CIP2A: variants seen among roughly 807,000 people sequenced by gnomAD.
CIP2A encodes the protein protein CIP2A.
In CIP2A, 103 loss-of-function variants were observed where a neutral mutation model predicts 110.9. The observed-to-expected ratio is 0.93, with a 90% CI of 0.79 to 1.09. The LOEUF is 1.09. Ranked by LOEUF, CIP2A falls within the 50% of genes least tolerant of loss-of-function variation. CIP2A has a pLI of 0.00. For synonymous variants in CIP2A, 381 were observed against 361.6 expected (o/e 1.05, Z -0.61); for missense variants, 1,088 against 1,038.4 (o/e 1.05, Z -0.66).
intron 2 of CIP2A, 94 bp from the exon 3 acceptor site, chr3:108,583,177 A>T (rs1289523774): frequency 6.8e-6 from 4 of 589,890 alleles, no homozygotes; most frequent in Non-Finnish European, 1.1e-5. Context: ...ATTTATTATT[A>T]AAAAAGGTAT....
intron 8 of CIP2A, among the ~76,000 whole-genome samples, chr3:108,573,667 T>A (rs1397591941): frequency 6.6e-6 from 1 of 152,044 alleles, no homozygotes; most frequent in Non-Finnish European, 1.5e-5. Flanking sequence ...AAGATCCATT[T>A]AGATACTAAT....
intron 19 of CIP2A, among the ~76,000 whole-genome samples, chr3:108,553,196 T>C (rs1443792977): frequency 7.8e-6 from 1 of 128,262 alleles, no homozygotes; most frequent in Non-Finnish European, 1.6e-5. Context: ...GGCGTGAACA[T>C]AGCTCACTGC....
intron 1 of CIP2A, chr3:108,585,641 A>G: frequency 2.2e-6 from 1 of 454,258 alleles, no homozygotes; most frequent in South Asian, 1.6e-5. Context: ...TACTATGCAA[A>G]TAAATTCTAA....
chr3:108,575,380 GTA>G (rs1241288932), intron 8 of CIP2A, among the ~76,000 whole-genome samples: 1 of 149,190 alleles, frequency 6.7e-6, no homozygotes, highest in African/African-American at 2.5e-5. Context: ...ACATATACAT[GTA>G]TGCGTGTATA....
At chr3:108,575,540 TC>T in intron 8 of CIP2A, among the ~76,000 whole-genome samples, 1 of 150,182 alleles carries the variant, frequency 6.7e-6, no homozygotes, top group Admixed American at 6.6e-5. Context: ...GTATATATAC[TC>T]ATATACATGT....
intron 16 of CIP2A, among the ~76,000 whole-genome samples, 200 bp downstream of exon 16, chr3:108,559,557 A>T (rs1937927331): frequency 6.6e-6 from 1 of 152,172 alleles, no homozygotes; most frequent in South Asian, 2.1e-4. Context: ...ACATAGGAAA[A>T]TAATACAAGG....
chr3:108,564,042 A>T (rs1373901584), intron 12 of CIP2A, among the ~76,000 whole-genome samples: 1 of 152,062 alleles, frequency 6.6e-6, no homozygotes, highest in Non-Finnish European at 1.5e-5. Flanking sequence ...TTAAAAATAC[A>T]TTGAGATATT....
At chr3:108,585,904 A>T in intron 1 of CIP2A, 1 of 387,122 alleles carries the variant, frequency 2.6e-6, no homozygotes, top group Non-Finnish European at 5.1e-6. Context: ...AGACACATAC[A>T]TACACACACA....
At chr3:108,575,163 ATGAG>A (rs1355047804) in intron 8 of CIP2A, 1 of 147,180 alleles carries the variant, frequency 6.8e-6, no homozygotes, top group Non-Finnish European at 1.5e-5. Context: ...TATATGAAAT[ATGAG>A]TGAATCTCAT....
Position 108,582,962 on chromosome 3 carries a change from T to G in CIP2A, c.357+15A>C. The G allele has an allele frequency of 6.6e-7, 1 of 1,524,224 alleles. No homozygotes were observed. Among genetic ancestry groups the G allele is most frequent in the Non-Finnish European group, 9.1e-7 (1 of 1,103,058 alleles). The allele number at this position is 1,524,224 out of a possible 1,614,324, so 94.4% of individuals were successfully genotyped here. A position where few individuals can be genotyped will look rare whatever the true frequency, so the allele number is the denominator to read the frequency against. On this transcript the variant is annotated intron_variant, in intron 3 of 20. Transcript: ENST00000295746. ...ACAGTAAGGAAAGGGGAATACACTG[T>G]GTGGGTCTGTATACCTGCAAAAACA...
intron 17 of CIP2A, among the ~76,000 whole-genome samples, chr3:108,556,228 C>T (rs1009763236): frequency 6.6e-6 from 1 of 152,158 alleles, no homozygotes; most frequent in Admixed American, 6.5e-5. Flanking sequence ...GGGAAATAAG[C>T]ATATGTACCA....
In CIP2A at chr3:108,566,642, A is replaced by C. The variant is rs761397717; in HGVS notation, c.1274-4T>G. 3 of 1,559,838 alleles carry C rather than the reference A, an allele frequency of 1.9e-6. No homozygotes were observed. In the South Asian group the frequency reaches 3.6e-5, roughly 19 times the overall value. On this transcript the variant is annotated splice_polypyrimidine_tract_variant and splice_region_variant and intron_variant, in intron 10 of 20. Transcript: ENST00000295746. Reference sequence around the variant, plus strand: ...AGTGTATCATCTCCACAGAGAGGTTAAGTTTTGTTAAGATATACAACAAAA... The same window carrying C: ...AGTGTATCATCTCCACAGAGAGGTTCAGTTTTGTTAAGATATACAACAAAA...
intron 19 of CIP2A, among the ~76,000 whole-genome samples, chr3:108,553,069 AAAT>A (rs1023572251): frequency 1.3e-5 from 2 of 151,606 alleles, no homozygotes; most frequent in African/African-American, 4.8e-5. Context: ...CTAAAAGTTG[AAAT>A]AATAAAAAAA....
chr3:108,557,285 T>A lies in CIP2A; in HGVS notation c.2143A>T (p.Arg715Trp). 6.2e-7 allele frequency: 1 copy of A among 1,610,860 alleles called. No homozygotes were observed. Among genetic ancestry groups the A allele is most frequent in the Non-Finnish European group, 8.5e-7 (1 of 1,177,740 alleles). Residue 715 changes from arginine (R) to tryptophan (W), a missense_variant, in exon 17 of 21, where the codon AGG becomes TGG. Physicochemically the swap from Arg to Trp is moderately radical, Grantham distance 101. Coordinates refer to ENST00000295746, the MANE Select transcript of CIP2A (RefSeq NM_020890.3). ...TCTTCAGCCACAGACTCTAACTTCC[T>A]ATTATGTTGAAAGAGATGCTCAATA... ...SDIEHLFQHN[R>W]KLESVAEEHE...
At chr3:108,557,170 T>C in intron 17 of CIP2A, 48 bp downstream of exon 17, 1 of 1,205,642 alleles carries the variant, frequency 8.3e-7, no homozygotes, top group South Asian at 1.8e-5. Flanking sequence ...AAATGCTGCA[T>C]GTTCATTCTA....
At chr3:108,570,102 AC>A (rs779193397) in intron 8 of CIP2A, among the ~76,000 whole-genome samples, 28 of 151,868 alleles carry the variant, frequency 1.8e-4, no homozygotes, top group Non-Finnish European at 3.7e-4. Flanking sequence ...CTCCTACTGT[AC>A]CCCATTTTTC....
At position 108,585,087 on chromosome 3, in the gene CIP2A, A is replaced by G; in HGVS notation, c.228T>C (p.Ile76=). The change falls in exon 2 of 21, where the codon ATT becomes ATC. Residue 76 remains isoleucine, a synonymous_variant. Transcript: ENST00000295746. The stretch of plus-strand genomic sequence containing the variant: ...TACCTAGTTGAGACAGCAAACCGAT[A>G]ATACTTAAGATCAGTGAAGCACTTA... The part of the protein sequence containing the change: ...PNISASLILS[I]IGLLSQLAVD... 6.2e-7 allele frequency: 1 copy of G among 1,612,056 alleles called. No individual in the cohort carries two copies.
Position 108,582,963 on chromosome 3 carries a change from G to A in CIP2A, c.357+14C>T. 1.1e-5 allele frequency: 17 copies of A among 1,530,466 alleles called. No individual in the cohort carries two copies. Among genetic ancestry groups the A allele is most frequent in the Non-Finnish European group, 1.5e-5 (17 of 1,108,712 alleles). The allele number at this position is 1,530,466 out of a possible 1,614,324, so 94.8% of individuals were successfully genotyped here. On this transcript the variant is annotated intron_variant, in intron 3 of 20. Transcript: ENST00000295746. ...CAGTAAGGAAAGGGGAATACACTGT[G>A]TGGGTCTGTATACCTGCAAAAACAC...
At chr3:108,555,891 T>C (rs1004106606) in intron 17 of CIP2A, among the ~76,000 whole-genome samples, 2 of 152,190 alleles carry the variant, frequency 1.3e-5, no homozygotes, top group South Asian at 2.1e-4. Context: ...TTGCAAGCTA[T>C]TGGGGAGGTC....
Sources: gnomAD v4.1 joint callset for allele counts (sites outside exome capture counted in the v4.1 genomes callset) on GRCh38, gnomAD v4.1.1 for gene constraint, MANE v1.5 for transcripts, NCBI Gene and HGNC (gene_info 2026-07-23, HGNC 2026-07-21) for gene names.